RYR3: variants seen among roughly 807,000 people sequenced by gnomAD.
RYR3 encodes the protein brain ryanodine receptor-calcium release channel.
In RYR3, 207 loss-of-function variants were observed where a neutral mutation model predicts 584.3. The ratio of observed to expected loss-of-function variants is 0.35; its 90% confidence interval spans 0.32 to 0.40. RYR3 has a LOEUF of 0.40. Among genes scored for constraint, RYR3 ranks in the 10% least tolerant of loss-of-function variants. The probability of loss-of-function intolerance (pLI) is 1.00; values close to 1 mark genes in which losing one functional copy is unlikely to be tolerated. For missense variants in RYR3, 5,616 were observed against 6,089.2 expected (o/e 0.92, Z 2.59); for synonymous variants, 2,416 against 2,248.5 (o/e 1.07, Z -2.11).
intron 11 of RYR3, among the ~76,000 whole-genome samples, chr15:33,564,467 A>G (rs893097105): frequency 6.6e-6 from 1 of 152,164 alleles, no homozygotes; most frequent in Non-Finnish European, 1.5e-5. Context: ...ACACCCTGGG[A>G]ATGAGGGCTG....
At chr15:33,821,167 A>T in intron 78 of RYR3, 103 bp from the exon 79 acceptor site, 1 of 844,788 alleles carries the variant, frequency 1.2e-6, no homozygotes, top group Non-Finnish European at 1.9e-6. Flanking sequence ...GATGTGTGTT[A>T]CCTTCCTTAG....
At chr15:33,517,546 G>A (rs2053623392) in intron 3 of RYR3, among the ~76,000 whole-genome samples, 1 of 152,126 alleles carries the variant, frequency 6.6e-6, no homozygotes, top group Non-Finnish European at 1.5e-5. Context: ...TACAGTCGTC[G>A]TTTTCTCTTG....
At chr15:33,767,858 T>C (rs1299229493) in intron 60 of RYR3, among the ~76,000 whole-genome samples, 1 of 152,226 alleles carries the variant, frequency 6.6e-6, no homozygotes, top group African/African-American at 2.4e-5. Context: ...ATGGCCACAG[T>C]GCCCCTAGGT....
At chr15:33,602,294 C>T (rs10519833) in intron 17 of RYR3, among the ~76,000 whole-genome samples, 19,606 of 152,202 alleles carry the variant, frequency 0.13, 1,419 homozygotes, top group Middle Eastern at 0.19. Flanking sequence ...AAGAACAGTT[C>T]GTCTCTAAAA....
chr15:33,324,012 A>G (rs907866061), intron 1 of RYR3, among the ~76,000 whole-genome samples: 2 of 152,156 alleles, frequency 1.3e-5, no homozygotes, highest in Non-Finnish European at 2.9e-5. Context: ...TCTAGCCCAC[A>G]GGTTAGGTAT....
At chr15:33,467,720 A>G (rs1304268391) in intron 1 of RYR3, among the ~76,000 whole-genome samples, 2 of 152,218 alleles carry the variant, frequency 1.3e-5, no homozygotes, top group Admixed American at 6.5e-5. Flanking sequence ...TGTGAACCAC[A>G]TAGCTTGGAG....
intron 1 of RYR3, among the ~76,000 whole-genome samples, chr15:33,466,297 T>C (rs1003520692): frequency 5.3e-5 from 8 of 152,162 alleles, no homozygotes; most frequent in African/African-American, 1.9e-4. Flanking sequence ...TATGAGGTGC[T>C]AGTGAACAGA....
chr15:33,474,270 T>A (rs903481166), intron 2 of RYR3, among the ~76,000 whole-genome samples: 1 of 152,098 alleles, frequency 6.6e-6, no homozygotes, highest in African/African-American at 2.4e-5. Flanking sequence ...GATGGGTGGA[T>A]GGGTGAGTGA....
At chr15:33,503,801 T>C (rs1410885242) in intron 3 of RYR3, 63 bp downstream of exon 3, 2 of 939,240 alleles carry the variant, frequency 2.1e-6, no homozygotes, top group African/African-American at 1.6e-5. Flanking sequence ...AAATACGTTC[T>C]ACATTTCATC....
At chr15:33,613,707 C>T (rs1434785801) in intron 19 of RYR3, among the ~76,000 whole-genome samples, 2 of 152,164 alleles carry the variant, frequency 1.3e-5, no homozygotes, top group Admixed American at 6.5e-5. Flanking sequence ...GTAAAAATCA[C>T]CTATGATTCC....
At position 33,853,640 on chromosome 15, in the gene RYR3, C is replaced by A. The variant is rs533017288; in HGVS notation, c.13757C>A (p.Pro4586Gln). ...GACAAAAATGCTCTTGACTTTAGCC[C>A]AGTAGAAGAGACCAAAGCAGAAGCG... is the stretch of plus-strand genomic sequence containing the variant. ...GLDKNALDFS[P>Q]VEETKAEAAS... is the part of the protein sequence containing the mutation. The change falls in exon 96 of 104, where the codon CCA (proline) becomes CAA (glutamine). Residue 4586 changes from proline (P) to glutamine (Q), a missense_variant. Transcript: ENST00000634891. 1.2e-6 allele frequency: 2 copies of A among 1,613,898 alleles called. No individual in the cohort carries two copies. The highest frequency in any genetic ancestry group is 2.2e-5 in the East Asian group (1 of 44,882).
At chr15:33,664,280 T>G (rs775799582) in intron 36 of RYR3, among the ~76,000 whole-genome samples, 1 of 152,204 alleles carries the variant, frequency 6.6e-6, no homozygotes, top group Middle Eastern at 3.4e-3. Context: ...CTTTGTGATT[T>G]GTTGTATTCA....
At chr15:33,435,490 C>T (rs2045610744) in intron 1 of RYR3, among the ~76,000 whole-genome samples, 1 of 152,108 alleles carries the variant, frequency 6.6e-6, no homozygotes, top group African/African-American at 2.4e-5. Context: ...ATTTCACATC[C>T]TACTGTAATA....
intron 43 of RYR3, among the ~76,000 whole-genome samples, chr15:33,721,140 AGTT>A (rs1311952530): frequency 4.6e-5 from 7 of 152,204 alleles, no homozygotes; most frequent in African/African-American, 1.7e-4. Context: ...CTTCTGGATA[AGTT>A]GTTCTGTGGG....
chr15:33,318,671 A>G (rs573996177), intron 1 of RYR3, among the ~76,000 whole-genome samples: 1 of 152,344 alleles, frequency 6.6e-6, no homozygotes, highest in South Asian at 2.1e-4. Flanking sequence ...CTTTGAGCAG[A>G]GGAGAAGAAG....
intron 1 of RYR3, among the ~76,000 whole-genome samples, chr15:33,449,373 C>T (rs754968292): frequency 3.2e-4 from 49 of 152,220 alleles, no homozygotes; most frequent in Non-Finnish European, 5.7e-4. Flanking sequence ...AAAGAGGGGT[C>T]GTACAATGTG....
At chr15:33,418,684 T>C (rs2044006853) in intron 1 of RYR3, among the ~76,000 whole-genome samples, 1 of 152,014 alleles carries the variant, frequency 6.6e-6, no homozygotes, top group Non-Finnish European at 1.5e-5. Context: ...CTGGAAGCAG[T>C]GTAACTAAGG....
At chr15:33,646,751 C>T (rs912475824) in intron 29 of RYR3, among the ~76,000 whole-genome samples, 1 of 152,244 alleles carries the variant, frequency 6.6e-6, no homozygotes, top group Non-Finnish European at 1.5e-5. Context: ...TAAACAGACA[C>T]ATCTGGTGGA....
intron 1 of RYR3, among the ~76,000 whole-genome samples, chr15:33,351,439 G>T (rs1410541831): frequency 6.7e-6 from 1 of 149,774 alleles, no homozygotes; most frequent in Non-Finnish European, 1.5e-5. Flanking sequence ...TACCAAAGCC[G>T]GGCAGAGACA....
Sources: gnomAD v4.1 joint callset for allele counts (sites outside exome capture counted in the v4.1 genomes callset) on GRCh38, gnomAD v4.1.1 for gene constraint, MANE v1.5 for transcripts, NCBI Gene and HGNC (gene_info 2026-07-23, HGNC 2026-07-21) for gene names.